SHCBP1L: variants seen among roughly 807,000 people sequenced by gnomAD.
The protein encoded by SHCBP1L is testicular spindle-associated protein SHCBP1L.
SHCBP1L carries 67 observed loss-of-function variants against 62.5 expected under a neutral mutation model. The ratio of observed to expected loss-of-function variants is 1.07; its 90% CI spans 0.88 to 1.31. The LOEUF (loss-of-function observed/expected upper bound fraction) is 1.31. Ranked by LOEUF, SHCBP1L falls within the 40% of genes most tolerant of loss-of-function variation. SHCBP1L has a pLI of 0.00. For missense variants in SHCBP1L, 823 were observed against 809.8 expected, an observed-to-expected ratio of 1.02 and a Z score of -0.20; for synonymous variants, 284 against 289.4, an observed-to-expected ratio of 0.98 and a Z score of 0.19.
At chr1:182,908,023 A>G (rs1215856708) in intron 6 of SHCBP1L, among the ~76,000 whole-genome samples, 1 of 152,208 alleles carries the variant, frequency 6.6e-6, no homozygotes, top group African/African-American at 2.4e-5. Context: ...CCATGCATAT[A>G]TTCATTTATT....
intron 5 of SHCBP1L, among the ~76,000 whole-genome samples, chr1:182,936,565 T>A (rs1651182292): frequency 6.6e-6 from 1 of 152,226 alleles, no homozygotes; most frequent in Non-Finnish European, 1.5e-5. Flanking sequence ...TTAACTAATT[T>A]AAGTCCACTT....
chr1:182,931,299 T>A (rs1012299925), intron 5 of SHCBP1L, among the ~76,000 whole-genome samples: 3 of 152,018 alleles, frequency 2.0e-5, no homozygotes, highest in Non-Finnish European at 4.4e-5. Context: ...AAGTAAGACA[T>A]CCTAAACATT....
intron 6 of SHCBP1L, among the ~76,000 whole-genome samples, chr1:182,925,768 C>A (rs1650724722): frequency 1.3e-5 from 2 of 152,132 alleles, no homozygotes; most frequent in South Asian, 4.1e-4. Context: ...ATGTTCACAG[C>A]CCCACTTTCC....
intron 5 of SHCBP1L, among the ~76,000 whole-genome samples, chr1:182,930,707 A>G (rs1199525010): frequency 6.8e-5 from 6 of 87,920 alleles, no homozygotes; most frequent in East Asian, 6.3e-4. Flanking sequence ...GTGTGTGTAT[A>G]TATATATATA....
At chr1:182,944,480 T>C (rs1011466747) in intron 2 of SHCBP1L, 5 of 149,238 alleles carry the variant, frequency 3.4e-5, no homozygotes, top group Non-Finnish European at 5.9e-5. Flanking sequence ...CAGAGTGGTA[T>C]GGCCGTAGAT....
intron 6 of SHCBP1L, among the ~76,000 whole-genome samples, chr1:182,919,633 C>T (rs1650466761): frequency 6.6e-6 from 1 of 152,120 alleles, no homozygotes; most frequent in Admixed American, 6.5e-5. Flanking sequence ...GCCTAGGCAC[C>T]ATGCATAGAC....
At chr1:182,924,706 A>AAGAAAGAC (rs1650630430) in intron 6 of SHCBP1L, among the ~76,000 whole-genome samples, 2 of 29,386 alleles carry the variant, frequency 6.8e-5, no homozygotes, top group Non-Finnish European at 1.1e-4. Flanking sequence ...GAAAGGAAGA[A>AAGAAAGAC]AGAAAGAAAG....
At chr1:182,937,122 T>C (rs1357961519) in intron 5 of SHCBP1L, among the ~76,000 whole-genome samples, 1 of 152,052 alleles carries the variant, frequency 6.6e-6, no homozygotes, top group Admixed American at 6.5e-5. Flanking sequence ...TTATTCCTTC[T>C]CCCACATTGT....
At chr1:182,941,968 G>A (rs1651384833) in intron 2 of SHCBP1L, 1 of 1,137,406 alleles carries the variant, frequency 8.8e-7, no homozygotes. Flanking sequence ...ATGGGATGAG[G>A]TGGGATTCCC....
intron 6 of SHCBP1L, among the ~76,000 whole-genome samples, chr1:182,906,218 A>G (rs541675614): frequency 5.4e-4 from 82 of 152,022 alleles, no homozygotes; most frequent in African/African-American, 1.9e-3. Context: ...TTACAGGCAT[A>G]AGCCACCGTG....
chr1:182,908,038 T>G (rs1213898832), intron 6 of SHCBP1L, among the ~76,000 whole-genome samples: 1 of 152,272 alleles, frequency 6.6e-6, no homozygotes, highest in African/African-American at 2.4e-5. Context: ...TTTATTCATA[T>G]GCCAATCAAT....
chr1:182,929,181 T>A (rs771646447), intron 6 of SHCBP1L, among the ~76,000 whole-genome samples: 7 of 152,188 alleles, frequency 4.6e-5, no homozygotes, highest in Non-Finnish European at 8.8e-5. Context: ...TCAGCTGAGT[T>A]ATTTCTTCTA....
chr1:182,933,223 T>C (rs899861793), intron 5 of SHCBP1L, among the ~76,000 whole-genome samples: 3 of 152,004 alleles, frequency 2.0e-5, no homozygotes, highest in Non-Finnish European at 2.9e-5. Flanking sequence ...CTTCTTTATA[T>C]TGCTGAGCAG....
chr1:182,944,173 A>T (rs1466493515), intron 2 of SHCBP1L, among the ~76,000 whole-genome samples: 1 of 137,956 alleles, frequency 7.2e-6, no homozygotes, highest in Non-Finnish European at 1.6e-5. Context: ...CGGGAGGCCG[A>T]GGCAGGCAGA....
chr1:182,939,180 G>A lies in SHCBP1L; in HGVS notation c.1072C>T (p.Leu358Phe), dbSNP rs765404701. 1.9e-6 allele frequency: 3 copies of A among 1,606,426 alleles called. No individual in the cohort carries two copies. The highest frequency in any genetic ancestry group is 2.2e-5 in the South Asian group (2 of 89,282). The change falls in exon 5 of 10, where the codon CTC becomes TTC. Residue 358 changes from leucine (L) to phenylalanine (F), a missense_variant. By Grantham distance (22) the Leu-to-Phe change is conservative. Transcript: ENST00000367547. ...TGAAATAGAGCAAATTATTACCGGA[G>A]GCGTAAATCTTCCCACATTTTCAGT... ...GLLKMWEDLR[L>F]RVHGPFFPRI...
rs185093394 is a variant in SHCBP1L, at chr1:182,931,858, C to T, written c.1077-2106G>A. ...GGACAAATGTATAATGACATGTAGC[C>T]ACCATTATAGTATAATACAGAAGAG... On this transcript the variant is annotated intron_variant, in intron 5 of 9. Coordinates refer to ENST00000367547, the MANE Select transcript of SHCBP1L (RefSeq NM_030933.4). Among the ~76,000 whole-genome samples the T allele has an allele frequency of 5.2e-3, 785 of 151,530 alleles. 3 individuals are homozygous for T. The highest frequency in any genetic ancestry group is 0.017 in the African/African-American group (717 of 41,150).
At position 182,929,744 on chromosome 1, in the gene SHCBP1L, C is replaced by T. The variant is rs761654302; in HGVS notation, c.1085G>A (p.Gly362Glu). Residue 362 changes from glycine to glutamate, a missense_variant, in exon 6 of 10, where the codon GGA (glycine) becomes GAA (glutamate). By Grantham distance (98) the Gly-to-Glu change is moderately conservative. Transcript: ENST00000367547. ...CCTCAGAATTCTTGGAAAGAAAGGT[C>T]CATGAACTCTATAGTTGAAAATATT... ...MWEDLRLRVH[G>E]PFFPRILRRR... 12 of 1,580,090 alleles carry T rather than the reference C, an allele frequency of 7.6e-6. No homozygotes were observed. The Admixed American group carries it at 1.7e-4, about 23-fold the overall frequency.
At chr1:182,932,744 T>C (rs951568548) in intron 5 of SHCBP1L, among the ~76,000 whole-genome samples, 10 of 152,040 alleles carry the variant, frequency 6.6e-5, no homozygotes, top group African/African-American at 2.4e-4. Flanking sequence ...ATCTGCCCAC[T>C]TCAGCCTCCC....
intron 6 of SHCBP1L, among the ~76,000 whole-genome samples, chr1:182,916,949 A>G (rs1309128360): frequency 6.6e-6 from 1 of 152,184 alleles, no homozygotes; most frequent in Admixed American, 6.5e-5. Flanking sequence ...TACTGGTCTT[A>G]ATACCTGGGT....
Sources: allele counts gnomAD v4.1 joint callset (sites outside exome capture counted in the v4.1 genomes callset), GRCh38; gene constraint gnomAD v4.1.1; transcripts MANE v1.5; gene names NCBI Gene and HGNC (gene_info 2026-07-23, HGNC 2026-07-21).